RNF152: variants seen among roughly 807,000 people sequenced by gnomAD.
RNF152 encodes the protein E3 ubiquitin-protein ligase RNF152.
RNF152 carries 11 observed loss-of-function variants against 12.7 expected under a neutral mutation model. The observed-to-expected ratio is 0.86, with a 90% CI of 0.54 to 1.43. The LOEUF (loss-of-function observed/expected upper bound fraction) is 1.43, where lower values mean the gene tolerates loss of function less well. RNF152 is among the 40% of genes most tolerant of loss of function. The probability of loss-of-function intolerance (pLI) is 0.00; values close to 1 mark genes in which losing one functional copy is unlikely to be tolerated. For missense variants in RNF152, 255 were observed against 274.8 expected (o/e 0.93, Z 0.51); for synonymous variants, 113 against 120.3 (o/e 0.94, Z 0.40).
At chr18:61,892,018 G>C (rs867870899) in intron 1 of RNF152, among the ~76,000 whole-genome samples, 39 of 152,234 alleles carry the variant, frequency 2.6e-4, no homozygotes, top group African/African-American at 7.5e-4. Flanking sequence ...TGCTAAGTCT[G>C]AAGGTTACGT....
Position 61,816,563 on chromosome 18 carries a change from C to T in RNF152, c.-100G>A. 2 of 1,285,064 alleles carry T rather than the reference C, an allele frequency of 1.6e-6. No individual in the cohort carries two copies. The highest frequency in any genetic ancestry group is 2.2e-6 in the Non-Finnish European group (2 of 923,304). The allele number at this position is 1,285,064 out of a possible 1,614,324, so 79.6% of individuals were successfully genotyped here. A position where few individuals can be genotyped will look rare whatever the true frequency, so the allele number is the denominator to read the frequency against. On this transcript the variant is annotated 5_prime_UTR_variant, in exon 2 of 2. Transcript: ENST00000312828. ...TCTTTGCAGTGCAGGTAATGGCAAG[C>T]TCACAGGCATCCAGTACTCACAGGT...
chr18:61,869,535 T>A (rs556142972), intron 1 of RNF152, among the ~76,000 whole-genome samples: 9 of 152,344 alleles, frequency 5.9e-5, no homozygotes, highest in African/African-American at 1.9e-4. Flanking sequence ...CACAAACTTT[T>A]GTGTTATTTC....
At chr18:61,830,886 A>C (rs1047067249) in intron 1 of RNF152, among the ~76,000 whole-genome samples, 1 of 152,246 alleles carries the variant, frequency 6.6e-6, no homozygotes, top group Non-Finnish European at 1.5e-5. Flanking sequence ...GAGATAGCCA[A>C]TACTCTCTGA....
intron 1 of RNF152, among the ~76,000 whole-genome samples, chr18:61,887,318 C>T (rs1020825414): frequency 6.6e-6 from 1 of 152,192 alleles, no homozygotes; most frequent in Non-Finnish European, 1.5e-5. Flanking sequence ...AGAAAGTGAG[C>T]AAGACCATTG....
intron 1 of RNF152, among the ~76,000 whole-genome samples, chr18:61,876,852 T>G (rs1219164905): frequency 1.3e-5 from 2 of 152,334 alleles, no homozygotes; most frequent in Admixed American, 1.3e-4. Flanking sequence ...CTCATTATTA[T>G]GCAAATGCTT....
chr18:61,849,715 T>C (rs1343423335), intron 1 of RNF152, among the ~76,000 whole-genome samples: 3 of 152,216 alleles, frequency 2.0e-5, no homozygotes, highest in Non-Finnish European at 4.4e-5. Flanking sequence ...ATGAGTGTTG[T>C]TGCTGTTGTT....
At chr18:61,868,624 A>T (rs1166447364) in intron 1 of RNF152, among the ~76,000 whole-genome samples, 1 of 152,052 alleles carries the variant, frequency 6.6e-6, no homozygotes, top group African/African-American at 2.4e-5. Flanking sequence ...AATCTCATGA[A>T]CCCGGGAAGC....
At chr18:61,876,626 G>A (rs1912225349) in intron 1 of RNF152, among the ~76,000 whole-genome samples, 1 of 152,190 alleles carries the variant, frequency 6.6e-6, no homozygotes, top group Admixed American at 6.5e-5. Flanking sequence ...GAGACGTCTT[G>A]ACTGGGTTCT....
rs34966668 is a variant in RNF152, at chr18:61,808,387, TAAAAAAAAA to T, written c.*7456_*7464del. On this transcript the variant is annotated 3_prime_UTR_variant, in exon 2 of 2. Transcript: ENST00000312828. Reference sequence around the variant, plus strand: ...TTTATCTGTAGGGCTATTTGGCCCTTAAAAAAAAAAAAAAAAAAAAAAAAAGCTCCTAAA... The same window carrying T: ...TTTATCTGTAGGGCTATTTGGCCCTTAAAAAAAAAAAAAAAAGCTCCTAAA... The T allele has an allele frequency of 3.9e-5, 2 of 50,792 alleles. No homozygotes were observed. Among genetic ancestry groups the T allele is most frequent in the Non-Finnish European group, 7.8e-5 (2 of 25,772 alleles). 3.1% of individuals were successfully genotyped at this position (50,792 alleles called of 1,614,324 possible).
chr18:61,834,858 C>T (rs1214875014), intron 1 of RNF152, among the ~76,000 whole-genome samples: 1 of 152,108 alleles, frequency 6.6e-6, no homozygotes. Context: ...TAAACTAGTA[C>T]TTCTACAAAA....
At chr18:61,841,880 G>A (rs1265149222) in intron 1 of RNF152, among the ~76,000 whole-genome samples, 1 of 152,148 alleles carries the variant, frequency 6.6e-6, no homozygotes, top group African/African-American at 2.4e-5. Flanking sequence ...TAGGCTTTGT[G>A]TGCCACACAG....
intron 1 of RNF152, among the ~76,000 whole-genome samples, chr18:61,884,748 G>A (rs1193023353): frequency 1.3e-5 from 2 of 152,054 alleles, no homozygotes; most frequent in Non-Finnish European, 2.9e-5. Flanking sequence ...TAGTAGAGAC[G>A]GGGTTTCTCC....
At position 61,816,605 on chromosome 18, in the gene RNF152, G is replaced by A; in HGVS notation, c.-135-7C>T. The A allele has an allele frequency of 1.2e-6, 1 of 804,718 alleles. No individual in the cohort carries two copies. Among genetic ancestry groups the A allele is most frequent in the Non-Finnish European group, 2.0e-6 (1 of 500,860 alleles). 49.8% of individuals were successfully genotyped at this position (804,718 alleles called of 1,614,324 possible). ...CTCACAGGTGTGTTCATTTCTGAGA[G>A]AGACAAATAATGCAAACAATCTTAA... On this transcript the variant is annotated splice_region_variant and splice_polypyrimidine_tract_variant and intron_variant, in intron 1 of 1. Transcript: ENST00000312828.
chr18:61,873,389 G>A lies in RNF152; in HGVS notation c.-136+19406C>T, dbSNP rs569059941. Among the ~76,000 whole-genome samples, 7 of 152,304 alleles carry A rather than the reference G, an allele frequency of 4.6e-5. 1 individual carries two copies. The highest frequency in any genetic ancestry group is 1.7e-4 in the African/African-American group (7 of 41,564). On this transcript the variant is annotated intron_variant, in intron 1 of 1. Coordinates refer to ENST00000312828, the MANE Select transcript of RNF152 (RefSeq NM_173557.3). Reference sequence around the variant, plus strand: ...GTTTCGCTCTGTTGCCCAAGCTGGGGTGCAATGGCGCTATCTCGGCTCACC... The same window carrying A: ...GTTTCGCTCTGTTGCCCAAGCTGGGATGCAATGGCGCTATCTCGGCTCACC...
At chr18:61,819,490 G>A (rs1909273163) in intron 1 of RNF152, among the ~76,000 whole-genome samples, 1 of 152,244 alleles carries the variant, frequency 6.6e-6, no homozygotes, top group African/African-American at 2.4e-5. Context: ...AGTGAATAGT[G>A]ATGATTAGGA....
rs773968202 is a variant in RNF152 at position 61,816,495 on chromosome 18, G to A, written c.-32C>T. The stretch of plus-strand genomic sequence containing the variant: ...CCGTGAGCAGGAAGGGCAAGGCCAA[G>A]GTGAAGGGGAAGGAGCTGCTTCTCA... On this transcript the variant is annotated 5_prime_UTR_variant, in exon 2 of 2. Coordinates refer to ENST00000312828, the MANE Select transcript of RNF152 (RefSeq NM_173557.3). The A allele has an allele frequency of 1.3e-6, 2 of 1,569,702 alleles. No homozygotes were observed. The highest frequency in any genetic ancestry group is 1.7e-6 in the Non-Finnish European group (2 of 1,153,842).
At chr18:61,838,762 T>C (rs1178175660) in intron 1 of RNF152, among the ~76,000 whole-genome samples, 1 of 152,126 alleles carries the variant, frequency 6.6e-6, no homozygotes, top group East Asian at 1.9e-4. Context: ...CAGGCCCAGC[T>C]TTCACCTCCA....
chr18:61,832,462 A>G (rs1909993473), intron 1 of RNF152, among the ~76,000 whole-genome samples: 1 of 152,224 alleles, frequency 6.6e-6, no homozygotes, highest in African/African-American at 2.4e-5. Flanking sequence ...ATCCTAATTC[A>G]GTAAGACAAA....
chr18:61,885,985 C>CTT lies in RNF152; in HGVS notation c.-136+6808_-136+6809dup, dbSNP rs558169838. Among the ~76,000 whole-genome samples, 351 of 81,684 alleles carry CTT rather than the reference C, an allele frequency of 4.3e-3. 15 individuals carry two copies. The highest frequency in any genetic ancestry group is 0.014 in the African/African-American group (311 of 21,768). The allele number at this position is 81,684 out of a possible 152,430, so 53.6% of individuals were successfully genotyped here. A position where few individuals can be genotyped will look rare whatever the true frequency, so the allele number is the denominator to read the frequency against. On this transcript the variant is annotated intron_variant, in intron 1 of 1. Transcript: ENST00000312828. ...TTTTTCTTTTGCTTTCTTTTGCTTT[C>CTT]TTTTTTTTTTTTTTTTTTTTTTTTT...
Sources: allele counts gnomAD v4.1 joint callset (sites outside exome capture counted in the v4.1 genomes callset), GRCh38; gene constraint gnomAD v4.1.1; transcripts MANE v1.5; gene names NCBI Gene and HGNC (gene_info 2026-07-23, HGNC 2026-07-21).